SMC5: variants seen among roughly 807,000 people sequenced by gnomAD.
The protein encoded by SMC5 is structural maintenance of chromosomes protein 5.
A neutral mutation model predicts 148.3 loss-of-function variants in SMC5; 88 were observed. That is an observed-to-expected ratio of 0.59 (90% confidence interval 0.50 to 0.71). SMC5 has a LOEUF of 0.71. Among genes scored for constraint, SMC5 ranks in the 30% least tolerant of loss-of-function variants. The pLI is 0.00. For synonymous variants in SMC5, 421 were observed against 432.8 expected (o/e 0.97, Z 0.34); for missense variants, 1,142 against 1,298.9 (o/e 0.88, Z 1.86).
At chr9:70,336,173 T>C (rs1005423395) in intron 17 of SMC5, among the ~76,000 whole-genome samples, 4 of 152,112 alleles carry the variant, frequency 2.6e-5, no homozygotes, top group Admixed American at 6.5e-5. Context: ...TGCCTTTTTG[T>C]GGAAAGCATC....
intron 8 of SMC5, among the ~76,000 whole-genome samples, chr9:70,291,100 G>A (rs769655347): frequency 6.0e-5 from 9 of 149,270 alleles, no homozygotes; most frequent in African/African-American, 2.0e-4. Context: ...TGAATATATT[G>A]TTGGTGTTTG....
intron 22 of SMC5, among the ~76,000 whole-genome samples, chr9:70,348,465 G>A (rs2036724650): frequency 6.6e-6 from 1 of 152,032 alleles, no homozygotes; most frequent in Non-Finnish European, 1.5e-5. Flanking sequence ...GCTGAGGCAG[G>A]CAGATAGCTT....
chr9:70,347,048 G>A lies in SMC5; in HGVS notation c.2569-18G>A, dbSNP rs768598738. 13 of 1,585,370 alleles carry A rather than the reference G, an allele frequency of 8.2e-6. No homozygotes were observed. The highest frequency in any genetic ancestry group is 4.0e-5 in the African/African-American group (3 of 74,088). On this transcript the variant is annotated intron_variant, in intron 19 of 24. Coordinates refer to ENST00000361138, the MANE Select transcript of SMC5 (RefSeq NM_015110.4). ...CTGTTTTCATTGTATCTATAATGAC[G>A]GGCAATTTTTTTCTTAGGTTTTCCA...
At chr9:70,268,613 T>C (rs2118015357) in intron 3 of SMC5, among the ~76,000 whole-genome samples, 1 of 152,176 alleles carries the variant, frequency 6.6e-6, no homozygotes, top group East Asian at 1.9e-4. Context: ...GGTTTTTTTT[T>C]TTTTGCTGAT....
At chr9:70,335,497 C>G (rs978584966) in intron 17 of SMC5, among the ~76,000 whole-genome samples, 1 of 151,912 alleles carries the variant, frequency 6.6e-6, no homozygotes. Flanking sequence ...AAAAAAAAAC[C>G]AGCAACAACA....
At chr9:70,264,068 TCAG>T (rs1166431080) in intron 1 of SMC5, among the ~76,000 whole-genome samples, 3 of 152,234 alleles carry the variant, frequency 2.0e-5, no homozygotes, top group Non-Finnish European at 2.9e-5. Flanking sequence ...TTCACTTTCT[TCAG>T]CAGACTTTTG....
chr9:70,325,029 T>G (rs757552165), intron 17 of SMC5, among the ~76,000 whole-genome samples: 9 of 152,198 alleles, frequency 5.9e-5, no homozygotes, highest in Non-Finnish European at 1.2e-4. Flanking sequence ...TTTCATTATA[T>G]AGACATGGTT....
chr9:70,302,102 A>G (rs1030098999), intron 10 of SMC5, among the ~76,000 whole-genome samples: 2 of 152,206 alleles, frequency 1.3e-5, no homozygotes, highest in African/African-American at 4.8e-5. Context: ...GTTGGGCACC[A>G]TGGCTCACGC....
intron 17 of SMC5, among the ~76,000 whole-genome samples, chr9:70,334,255 T>C (rs886920624): frequency 1.1e-4 from 17 of 152,196 alleles, no homozygotes; most frequent in African/African-American, 4.1e-4. Flanking sequence ...TTACCTCGTA[T>C]CATATACAAA....
chr9:70,294,406 A>G (rs2035142330), intron 8 of SMC5, among the ~76,000 whole-genome samples: 1 of 152,200 alleles, frequency 6.6e-6, no homozygotes, highest in Non-Finnish European at 1.5e-5. Flanking sequence ...TAGAAGGTAT[A>G]TCAATAGGTT....
chr9:70,322,574 G>A (rs1269444362), intron 15 of SMC5, among the ~76,000 whole-genome samples: 3 of 152,090 alleles, frequency 2.0e-5, no homozygotes, highest in Non-Finnish European at 2.9e-5. Flanking sequence ...GGTGGCTCAC[G>A]CCTGTAATCC....
rs146040116 is a variant in SMC5 at position 70,324,117 on chromosome 9, G to A, written c.2371G>A (p.Ala791Thr). ...CAAATTAGAATCAGATTATATGGCC[G>A]CATCTTCACAACTCCGTCTTACAGA... is the stretch of plus-strand genomic sequence containing the variant. Reference protein sequence around the residue: ...KNKLESDYMAASSQLRLTEQH... With the variant: ...KNKLESDYMATSSQLRLTEQH... The change falls in exon 17 of 25, where the codon GCA (alanine) becomes ACA (threonine). Residue 791 changes from alanine (A) to threonine (T), a missense_variant. By Grantham distance (58) the Ala-to-Thr change is moderately conservative. This residue lies in a region of SMC5 where 743 missense variants were observed against 835.7 expected (regional missense o/e 0.89). Transcript: ENST00000361138. 688 of 1,596,370 alleles carry A rather than the reference G, an allele frequency of 4.3e-4. 1 individual carries two copies. The African/African-American group carries it at 6.9e-3, about 16-fold the overall frequency.
At chr9:70,294,920 G>T (rs1009966973) in intron 8 of SMC5, among the ~76,000 whole-genome samples, 4 of 152,182 alleles carry the variant, frequency 2.6e-5, no homozygotes, top group Non-Finnish European at 4.4e-5. Context: ...AATGGATAAG[G>T]TTGGGGAGGA....
chr9:70,289,976 G>A (rs2035015810), intron 8 of SMC5, among the ~76,000 whole-genome samples: 1 of 151,988 alleles, frequency 6.6e-6, no homozygotes, highest in Non-Finnish European at 1.5e-5. Context: ...ACCGTTTTGA[G>A]TGTGTTGACC....
At chr9:70,303,270 A>G (rs1451625263) in intron 10 of SMC5, among the ~76,000 whole-genome samples, 1 of 151,828 alleles carries the variant, frequency 6.6e-6, no homozygotes, top group Non-Finnish European at 1.5e-5. Context: ...GGAGAACGTG[A>G]TCATGAGAGC....
At chr9:70,332,547 A>G (rs2036246280) in intron 17 of SMC5, among the ~76,000 whole-genome samples, 1 of 147,856 alleles carries the variant, frequency 6.8e-6, no homozygotes, top group African/African-American at 2.5e-5. Context: ...AAAAAAAAGA[A>G]TTAATACCAG....
intron 9 of SMC5, among the ~76,000 whole-genome samples, chr9:70,298,789 T>C (rs908475306): frequency 8.6e-5 from 13 of 151,806 alleles, no homozygotes; most frequent in Non-Finnish European, 1.6e-4. Context: ...AACTCCTTTT[T>C]TACCTCCAAA....
chr9:70,282,000 A>G (rs1315481705), intron 6 of SMC5, among the ~76,000 whole-genome samples: 1 of 146,052 alleles, frequency 6.8e-6, no homozygotes, highest in Non-Finnish European at 1.5e-5. Flanking sequence ...TTTCACCTAC[A>G]TGCTGGTTTT....
At chr9:70,349,854 G>A (rs983824576) in intron 22 of SMC5, among the ~76,000 whole-genome samples, 2 of 152,112 alleles carry the variant, frequency 1.3e-5, no homozygotes, top group Non-Finnish European at 2.9e-5. Flanking sequence ...ATGGTATAGA[G>A]GAGGAAAATG....
Sources: allele counts gnomAD v4.1 joint callset (sites outside exome capture counted in the v4.1 genomes callset), GRCh38; gene constraint gnomAD v4.1.1; regional missense constraint gnomAD v4.1.1; transcripts MANE v1.5; gene names NCBI Gene and HGNC (gene_info 2026-07-23, HGNC 2026-07-21).